The following COL22A1 variants were observed in gnomAD, a reference collection of about 807,000 sequenced individuals.
COL22A1 encodes collagen alpha-1(XXII) chain.
A neutral mutation model predicts 248.9 loss-of-function variants in COL22A1; 221 were observed. That is an observed-to-expected ratio of 0.89 (90% confidence interval 0.80 to 0.99). The LOEUF is 0.99. Ranked by LOEUF, COL22A1 falls within the 50% of genes least tolerant of loss-of-function variation. The probability of loss-of-function intolerance (pLI) is 0.00; values close to 1 mark genes in which losing one functional copy is unlikely to be tolerated. For synonymous variants in COL22A1, 891 were observed against 793.4 expected (o/e 1.12, Z -2.07); for missense variants, 2,240 against 2,179.0 (o/e 1.03, Z -0.56).
intron 47 of COL22A1, among the ~76,000 whole-genome samples, chr8:138,645,341 G>A (rs976065134): frequency 1.3e-5 from 2 of 152,118 alleles, no homozygotes; most frequent in African/African-American, 2.4e-5. Flanking sequence ...CCCTAATGCT[G>A]GTCTTTGCTA....
chr8:138,808,578 A>G lies in COL22A1; in HGVS notation c.1450-766T>C, dbSNP rs541268228. On this transcript the variant is annotated intron_variant, in intron 9 of 64. Coordinates refer to ENST00000303045, the MANE Select transcript of COL22A1 (RefSeq NM_152888.3). ...GTAAAGATCAGGTTACTGGATTTAC[A>G]AATGTAATCTGTACGTGTTCGATAC... Among the ~76,000 whole-genome samples, 3 of 152,354 alleles carry G rather than the reference A, an allele frequency of 2.0e-5. No homozygotes were observed. In the East Asian group the frequency reaches 5.8e-4, roughly 29 times the overall value.
intron 22 of COL22A1, among the ~76,000 whole-genome samples, chr8:138,750,805 A>G (rs1177435399): frequency 1.3e-5 from 2 of 152,180 alleles, no homozygotes; most frequent in African/African-American, 2.4e-5. Flanking sequence ...TGTGCCAGGT[A>G]CCTTGGTGGG....
chr8:138,599,972 T>C (rs1269766006), intron 60 of COL22A1, among the ~76,000 whole-genome samples: 1 of 152,158 alleles, frequency 6.6e-6, no homozygotes, highest in Non-Finnish European at 1.5e-5. Flanking sequence ...AGAGAGACAG[T>C]GGTCCTCTCT....
chr8:138,644,422 G>A (rs1230719887), intron 47 of COL22A1, among the ~76,000 whole-genome samples: 2 of 152,040 alleles, frequency 1.3e-5, no homozygotes, highest in African/African-American at 4.8e-5. Flanking sequence ...AAAAGCTAAT[G>A]TCAAATGAGC....
chr8:138,626,955 T>C (rs1287541951), intron 50 of COL22A1, among the ~76,000 whole-genome samples: 1 of 152,192 alleles, frequency 6.6e-6, no homozygotes, highest in Non-Finnish European at 1.5e-5. Context: ...GTCTTTACCA[T>C]GAGTATTTAG....
intron 41 of COL22A1, among the ~76,000 whole-genome samples, chr8:138,666,065 A>G (rs1824480480): frequency 6.6e-6 from 1 of 152,242 alleles, no homozygotes; most frequent in Non-Finnish European, 1.5e-5. Context: ...CTTAAGACAC[A>G]CAATGATCAT....
intron 46 of COL22A1, 128 bp from the exon 47 acceptor site, chr8:138,646,810 C>A (rs936746362): frequency 6.1e-6 from 4 of 654,024 alleles, no homozygotes; most frequent in African/African-American, 5.5e-5. Flanking sequence ...CCGTCAGCTA[C>A]CCCTGCCCCT....
At chr8:138,802,826 G>A (rs374417947) in intron 11 of COL22A1, 46 bp downstream of exon 11, 36 of 1,501,498 alleles carry the variant, frequency 2.4e-5, no homozygotes, top group Middle Eastern at 1.7e-4. Context: ...GGTCCCCCAC[G>A]CCCGCCCTGA....
At chr8:138,660,780 GCACA>G (rs909512784) in intron 43 of COL22A1, among the ~76,000 whole-genome samples, 2 of 128,294 alleles carry the variant, frequency 1.6e-5, no homozygotes, top group African/African-American at 6.4e-5. Flanking sequence ...ATGCACGCAT[GCACA>G]CACACACACA....
chr8:138,648,853 T>C (rs1434886227), intron 46 of COL22A1, among the ~76,000 whole-genome samples: 1 of 152,236 alleles, frequency 6.6e-6, no homozygotes, highest in East Asian at 1.9e-4. Context: ...CTGTCAAGAC[T>C]TCCTACTTGA....
chr8:138,850,425 A>T (rs111307194), intron 3 of COL22A1, among the ~76,000 whole-genome samples: 7,869 of 152,330 alleles, frequency 0.052, 231 homozygotes, highest in African/African-American at 0.073. Flanking sequence ...AGCTGCGAAC[A>T]CTGGCCCAGG....
At chr8:138,725,524 G>C (rs1830233542) in intron 23 of COL22A1, 84 bp from the exon 24 acceptor site, 2 of 1,107,336 alleles carry the variant, frequency 1.8e-6, no homozygotes, top group Non-Finnish European at 2.6e-6. Context: ...GAGGCAAAGG[G>C]AAGGGGACAG....
At chr8:138,713,706 G>C (rs1363949243) in intron 30 of COL22A1, among the ~76,000 whole-genome samples, 1 of 37,610 alleles carries the variant, frequency 2.7e-5, no homozygotes, top group Non-Finnish European at 7.5e-5. Flanking sequence ...CACCCTATGA[G>C]TCCACCCCCA....
chr8:138,692,123 TGTGTAC>T (rs1455748516), intron 35 of COL22A1, among the ~76,000 whole-genome samples: 1 of 145,994 alleles, frequency 6.8e-6, no homozygotes, highest in Non-Finnish European at 1.5e-5. Flanking sequence ...TGTGTGTATG[TGTGTAC>T]GTGTGTGCAT....
At chr8:138,615,144 C>T (rs1229321650) in intron 55 of COL22A1, among the ~76,000 whole-genome samples, 1 of 152,230 alleles carries the variant, frequency 6.6e-6, no homozygotes, top group African/African-American at 2.4e-5. Context: ...TCCAGGCAAG[C>T]TATTCCTGCC....
At position 138,750,327 on chromosome 8, in the gene COL22A1, T is replaced by C. The variant is rs117791915; in HGVS notation, c.2085+1131A>G. Among the ~76,000 whole-genome samples, 46 of 152,266 alleles carry C rather than the reference T, an allele frequency of 3.0e-4. No individual in the cohort carries two copies. The East Asian group carries it at 8.1e-3, about 27-fold the overall frequency. The stretch of plus-strand genomic sequence containing the variant: ...CTCACCTAGCCTTAAAATAAATTAT[T>C]TGTAGAATTTTGAGAATTCAAAAGG... On this transcript the variant is annotated intron_variant, in intron 22 of 64. Coordinates refer to ENST00000303045, the MANE Select transcript of COL22A1 (RefSeq NM_152888.3).
intron 60 of COL22A1, 62 bp downstream of exon 60, chr8:138,602,053 C>G: frequency 6.3e-7 from 1 of 1,578,078 alleles, no homozygotes; most frequent in Non-Finnish European, 8.7e-7. Flanking sequence ...GGCTCAACAT[C>G]CTGTGGCCAC....
intron 44 of COL22A1, 41 bp downstream of exon 44, chr8:138,660,395 A>C: frequency 3.2e-6 from 5 of 1,567,744 alleles, no homozygotes; most frequent in Non-Finnish European, 3.5e-6. Context: ...TTACGCCCTG[A>C]CTGATAGTCA....
Position 138,616,052 on chromosome 8 carries a change from T to C in COL22A1, c.3873A>G (p.Gly1291=). The C allele has an allele frequency of 1.2e-6, 2 of 1,612,832 alleles. No individual in the cohort carries two copies. The highest frequency in any genetic ancestry group is 1.7e-6 in the Non-Finnish European group (2 of 1,179,230). ...TGDSGAPGPR[G]ESGAMGLPGQ... is the part of the protein sequence containing the mutation. ...CAGGAAGCCCCATGGCACCAGACTC[T>C]CCCTAGGAACAAAAAAGCCTGCTAT... The change falls in exon 55 of 65, where the codon GGA becomes GGG. Residue 1291 remains glycine, a splice_region_variant and synonymous_variant. Transcript: ENST00000303045.
Sources: allele counts gnomAD v4.1 joint callset (sites outside exome capture counted in the v4.1 genomes callset), GRCh38; gene constraint gnomAD v4.1.1; transcripts MANE v1.5; gene names NCBI Gene and HGNC (gene_info 2026-07-23, HGNC 2026-07-21).